KDM5A: variants seen among roughly 807,000 people sequenced by gnomAD.
The protein encoded by KDM5A is lysine demethylase 5A.
In KDM5A, 42 loss-of-function variants were observed where a neutral mutation model predicts 193.5. The observed-to-expected ratio is 0.22, with a 90% CI of 0.17 to 0.28. KDM5A has a LOEUF of 0.28. Among genes scored for constraint, KDM5A ranks in the 10% least tolerant of loss-of-function variants. KDM5A has a pLI of 1.00. For missense variants in KDM5A, 1,692 were observed against 2,055.1 expected, an observed-to-expected ratio of 0.82 and a Z score of 3.42; for synonymous variants, 796 against 718.1, an observed-to-expected ratio of 1.11 and a Z score of -1.73.
intron 3 of KDM5A, among the ~76,000 whole-genome samples, chr12:370,050 C>T (rs1944406108): frequency 6.6e-6 from 1 of 152,158 alleles, no homozygotes; most frequent in African/African-American, 2.4e-5. Context: ...AAACCTAATA[C>T]CTGTTTTTCT....
intron 1 of KDM5A, 134 bp from the exon 2 acceptor site, chr12:386,108 G>C (rs2137502373): frequency 3.0e-6 from 2 of 664,412 alleles, no homozygotes; most frequent in South Asian, 1.6e-5. Context: ...TTATTATAGA[G>C]ACAGAATGAG....
rs1943153918 is a variant in KDM5A at position 281,520 on chromosome 12, A to T, written c.*3936T>A. The stretch of plus-strand genomic sequence containing the variant: ...CCACTTGGGACATTCATATCCAAAG[A>T]AGTAATGGTATGACTTAAAAAAAAA... On this transcript the variant is annotated 3_prime_UTR_variant, in exon 28 of 28. Transcript: ENST00000399788. The T allele has an allele frequency of 4.3e-6, 1 of 233,122 alleles. No homozygotes were observed. Among genetic ancestry groups the T allele is most frequent in the East Asian group, 6.0e-5 (1 of 16,586 alleles). The allele number at this position is 233,122 out of a possible 1,614,324, so 14.4% of individuals were successfully genotyped here. A position where few individuals can be genotyped will look rare whatever the true frequency, so the allele number is the denominator to read the frequency against.
Position 322,445 on chromosome 12 carries a change from G to T in KDM5A, c.2398C>A (p.Leu800Met). The T allele has an allele frequency of 6.2e-7, 1 of 1,613,198 alleles. No homozygotes were observed. ...TGTTTCTGCTTTTTGCTCAGAAGCA[G>T]CTGAGCCACAGAAGCACAGGTCTCA... is the stretch of plus-strand genomic sequence containing the variant. Reference protein sequence around the residue: ...EAETCASVAQLLLSKKQKHRQ... With the variant: ...EAETCASVAQMLLSKKQKHRQ... The change falls in exon 17 of 28, where the codon CTG becomes ATG. Residue 800 changes from leucine to methionine, a missense_variant. Physicochemically the swap from Leu to Met is conservative, Grantham distance 15. Around this residue, in one of 11 missense-constraint regions of KDM5A, gnomAD observed 965 missense variants for 1,061.0 expected, o/e 0.91. Transcript: ENST00000399788.
intron 5 of KDM5A, among the ~76,000 whole-genome samples, chr12:359,384 G>C (rs1029451305): frequency 6.6e-6 from 1 of 152,164 alleles, no homozygotes; most frequent in Non-Finnish European, 1.5e-5. Flanking sequence ...ATAGCAGCCA[G>C]CACTTGTTTA....
intron 27 of KDM5A, among the ~76,000 whole-genome samples, chr12:285,913 T>TC (rs1163472742): frequency 1.2e-4 from 19 of 152,330 alleles, no homozygotes; most frequent in Admixed American, 4.6e-4. Context: ...TACCTGGGGC[T>TC]CCTTGTGAGG....
At chr12:340,748 A>C (rs1943994889) in intron 10 of KDM5A, among the ~76,000 whole-genome samples, 1 of 152,048 alleles carries the variant, frequency 6.6e-6, no homozygotes. Flanking sequence ...GACCCACAGA[A>C]ACTATGAGAT....
chr12:368,995 T>G (rs1447019236), intron 3 of KDM5A, among the ~76,000 whole-genome samples: 2 of 152,200 alleles, frequency 1.3e-5, no homozygotes, highest in Non-Finnish European at 2.9e-5. Context: ...TGTTTTCAAC[T>G]CTTGTGCTTT....
chr12:334,195 A>G lies in KDM5A; in HGVS notation c.1490+46T>C, dbSNP rs756014176. The G allele has an allele frequency of 2.6e-6, 4 of 1,520,752 alleles. No individual in the cohort carries two copies. The Admixed American group carries it at 6.7e-5, about 25-fold the overall frequency. 94.2% of individuals were successfully genotyped at this position (1,520,752 alleles called of 1,614,324 possible). Reference sequence around the variant, plus strand: ...AAAAACCTAGCATCATTAATCCACTAGACTTTAGTAGAGTTCATGCATGCT... The same window carrying G: ...AAAAACCTAGCATCATTAATCCACTGGACTTTAGTAGAGTTCATGCATGCT... On this transcript the variant is annotated intron_variant, in intron 11 of 27. Transcript: ENST00000399788.
At chr12:315,207 T>C (rs1376680864) in intron 19 of KDM5A, among the ~76,000 whole-genome samples, 1 of 152,186 alleles carries the variant, frequency 6.6e-6, no homozygotes, top group Non-Finnish European at 1.5e-5. Flanking sequence ...GAGAGAATGA[T>C]ATATCCAAAG....
chr12:285,730 A>C, intron 27 of KDM5A, 68 bp from the exon 28 acceptor site: 2 of 1,398,286 alleles, frequency 1.4e-6, no homozygotes, highest in Non-Finnish European at 2.0e-6. Context: ...AAGCAAACCA[A>C]AGAGCTTTCT....
chr12:310,688 C>T (rs758143411), intron 21 of KDM5A, among the ~76,000 whole-genome samples, 197 bp downstream of exon 21: 4 of 152,054 alleles, frequency 2.6e-5, no homozygotes, highest in South Asian at 2.1e-4. Flanking sequence ...AAGCCAAGGC[C>T]GACTGCTTTT....
At chr12:321,850 G>A (rs1456265886) in intron 17 of KDM5A, among the ~76,000 whole-genome samples, 5 of 152,076 alleles carry the variant, frequency 3.3e-5, no homozygotes, top group South Asian at 4.1e-4. Flanking sequence ...ACAACTGTGT[G>A]CCAGGCATTG....
intron 7 of KDM5A, among the ~76,000 whole-genome samples, chr12:354,523 C>T (rs1323174109): frequency 6.6e-6 from 1 of 152,162 alleles, no homozygotes; most frequent in Non-Finnish European, 1.5e-5. Context: ...AATCCCAGCA[C>T]TTTGGGAGCC....
At chr12:326,864 CAAAAAA>C (rs61571425) in intron 14 of KDM5A, among the ~76,000 whole-genome samples, 3 of 85,996 alleles carry the variant, frequency 3.5e-5, no homozygotes, top group South Asian at 4.1e-4. Context: ...GACTCTGTCT[CAAAAAA>C]AAAAAAAAAA....
chr12:340,264 T>C (rs1246304046), intron 10 of KDM5A, among the ~76,000 whole-genome samples: 2 of 152,152 alleles, frequency 1.3e-5, no homozygotes, highest in Non-Finnish European at 2.9e-5. Flanking sequence ...CCTACATAGT[T>C]AGAATCTGAG....
chr12:310,084 T>C (rs1565529456), intron 21 of KDM5A, 120 bp from the exon 22 acceptor site: 6 of 922,998 alleles, frequency 6.5e-6, no homozygotes, highest in Non-Finnish European at 9.9e-6. Context: ...TTAAGGACTT[T>C]ATACACATGA....
intron 13 of KDM5A, among the ~76,000 whole-genome samples, chr12:330,601 TA>T (rs765817199): frequency 7.2e-5 from 11 of 152,188 alleles, no homozygotes; most frequent in Non-Finnish European, 1.5e-4. Context: ...CCATGTATCA[TA>T]AACACTCAAT....
Position 310,994 on chromosome 12 carries a change from C to T in KDM5A, c.3107G>A (p.Arg1036His), listed in dbSNP as rs746956221. 49 of 1,614,070 alleles carry T rather than the reference C, an allele frequency of 3.0e-5. No homozygotes were observed. The highest frequency in any genetic ancestry group is 3.9e-5 in the Non-Finnish European group (46 of 1,180,026). The change falls in exon 21 of 28, where the codon CGT becomes CAT. Residue 1036 changes from arginine to histidine, a missense_variant. Physicochemically the swap from Arg to His is conservative, Grantham distance 29. Coordinates refer to ENST00000399788, the MANE Select transcript of KDM5A (RefSeq NM_001042603.3). ...TTCCACTTGCGGCAGTGCTTCAAGA[C>T]GCACAGGAATAGGGCGTCCTTTCGC... ...LSAKGRPIPVRLEALPQVESQ... is the reference protein window; with the variant it reads ...LSAKGRPIPVHLEALPQVESQ...
rs1219346170 is a variant in KDM5A at position 323,683 on chromosome 12, T to C, written c.2067A>G (p.Thr689=). ...CRTTCFLSAL[T]CSCNPERLVC... Reference sequence around the variant, plus strand: ...CAAGCCGCTCAGGATTACAGGAACATGTGAGAGCAGAGAGAAAACATGTGG... The same window carrying C: ...CAAGCCGCTCAGGATTACAGGAACACGTGAGAGCAGAGAGAAAACATGTGG... The change falls in exon 15 of 28, where the codon ACA becomes ACG. Residue 689 remains threonine, a synonymous_variant. Transcript: ENST00000399788. The C allele has an allele frequency of 4.3e-6, 7 of 1,614,100 alleles. No homozygotes were observed. The highest frequency in any genetic ancestry group is 1.7e-5 in the Admixed American group (1 of 60,016).
Sources: allele counts gnomAD v4.1 joint callset (sites outside exome capture counted in the v4.1 genomes callset), GRCh38; gene constraint gnomAD v4.1.1; regional missense constraint gnomAD v4.1.1; transcripts MANE v1.5; gene names NCBI Gene and HGNC (gene_info 2026-07-23, HGNC 2026-07-21).